Variants in XNDC1N observed in about 807,000 individuals in gnomAD.
The protein encoded by XNDC1N is XRCC1 N-terminal domain containing 1, N-terminal like.
chr11:71,918,897 A>T, the XNDC1N span: 1 of 702,790 alleles, frequency 1.4e-6, no homozygotes, highest in Non-Finnish European at 2.6e-6. Context: ...ACATCAATGT[A>T]GCCAGTGGGC....
At chr11:71,868,825 C>A in the XNDC1N span, among the ~76,000 whole-genome samples, 2 of 152,244 alleles carry the variant, frequency 1.3e-5, no homozygotes, top group African/African-American at 4.8e-5. Flanking sequence ...ATCAACCTCT[C>A]TAGTGAGGTT....
the XNDC1N span, among the ~76,000 whole-genome samples, chr11:71,867,143 G>A: frequency 7.3e-5 from 11 of 150,204 alleles, no homozygotes; most frequent in Non-Finnish European, 1.5e-4. Flanking sequence ...TAAAGCAACT[G>A]TTAAATAACA....
chr11:71,881,155 T>C, the XNDC1N span, among the ~76,000 whole-genome samples: 2 of 152,240 alleles, frequency 1.3e-5, no homozygotes, highest in African/African-American at 2.4e-5. Flanking sequence ...TCTCTCTCTT[T>C]AGCTCTAATG....
chr11:71,876,803 G>A, the XNDC1N span, among the ~76,000 whole-genome samples: 1 of 152,208 alleles, frequency 6.6e-6, no homozygotes, highest in Admixed American at 6.5e-5. Context: ...AATTCTCAGA[G>A]AGGTGAGAAA....
At chr11:71,881,550 G>T in the XNDC1N span, among the ~76,000 whole-genome samples, 4 of 151,662 alleles carry the variant, frequency 2.6e-5, no homozygotes, top group African/African-American at 7.3e-5. Flanking sequence ...ATGAATTCCT[G>T]GTGTCTCTTC....
the XNDC1N span, among the ~76,000 whole-genome samples, chr11:71,883,585 G>A: frequency 6.6e-6 from 1 of 152,062 alleles, no homozygotes; most frequent in Non-Finnish European, 1.5e-5. Flanking sequence ...CACACAAAAA[G>A]CAATTCAAAA....
At chr11:71,876,537 C>A in the XNDC1N span, among the ~76,000 whole-genome samples, 1 of 152,248 alleles carries the variant, frequency 6.6e-6, no homozygotes, top group Non-Finnish European at 1.5e-5. Context: ...CCAAGCCTGC[C>A]TCCTGGCTCC....
At chr11:71,927,581 A>G in the XNDC1N span, 1 of 152,146 alleles carries the variant, frequency 6.6e-6, no homozygotes, top group Non-Finnish European at 1.5e-5. Context: ...AATACTATAT[A>G]GTCATGGCTA....
At chr11:71,910,786 G>T in the XNDC1N span, among the ~76,000 whole-genome samples, 1 of 152,168 alleles carries the variant, frequency 6.6e-6, no homozygotes, top group African/African-American at 2.4e-5. Context: ...AGAATTCTTA[G>T]GAGCTGTGGG....
At chr11:71,923,350 C>T in the XNDC1N span, 16 of 702,892 alleles carry the variant, frequency 2.3e-5, no homozygotes, top group Admixed American at 2.6e-4. Flanking sequence ...TTCACAGGAG[C>T]CATGGTGGGC....
chr11:71,893,592 G>T, the XNDC1N span: 1,077 of 1,042,864 alleles, frequency 1.0e-3, 6 homozygotes, highest in African/African-American at 0.016. Flanking sequence ...TGGTGCTGAG[G>T]AACCTGCTCA....
the XNDC1N span, chr11:71,917,320 A>C: frequency 7.8e-6 from 5 of 644,540 alleles, no homozygotes; most frequent in South Asian, 8.8e-5. Context: ...GGCCACAAAA[A>C]TATATTAATC....
chr11:71,894,678 G>A, the XNDC1N span, among the ~76,000 whole-genome samples: 1 of 152,200 alleles, frequency 6.6e-6, no homozygotes, highest in Non-Finnish European at 1.5e-5. Flanking sequence ...CATCCAGGTG[G>A]AATCACAACC....
At chr11:71,890,319 G>T in the XNDC1N span, among the ~76,000 whole-genome samples, 13,856 of 152,028 alleles carry the variant, frequency 0.091, 1,128 homozygotes, top group African/African-American at 0.19. Context: ...TACGCCTGTC[G>T]CGAAATTCAA....
chr11:71,921,680 T>G, the XNDC1N span, among the ~76,000 whole-genome samples: 1 of 151,198 alleles, frequency 6.6e-6, no homozygotes, highest in Admixed American at 6.6e-5. Flanking sequence ...CTGAGGGGGG[T>G]GTGTGTGTGT....
the XNDC1N span, among the ~76,000 whole-genome samples, chr11:71,912,344 C>T: frequency 3.3e-5 from 5 of 151,822 alleles, no homozygotes; most frequent in Non-Finnish European, 5.9e-5. Flanking sequence ...CCTCCCCAAA[C>T]GTGGATGTTA....
At chr11:71,896,683 C>T in the XNDC1N span, among the ~76,000 whole-genome samples, 4 of 152,364 alleles carry the variant, frequency 2.6e-5, no homozygotes, top group East Asian at 5.8e-4. Context: ...CCTGCCTCCA[C>T]CTCCCGAGTA....
the XNDC1N span, chr11:71,865,825 C>T: frequency 2.2e-6 from 1 of 445,528 alleles, no homozygotes; most frequent in Non-Finnish European, 4.5e-6. Context: ...TGTTTAGCAG[C>T]CTCTCTTGCC....
chr11:71,888,731 G>A, the XNDC1N span, among the ~76,000 whole-genome samples: 1 of 152,168 alleles, frequency 6.6e-6, no homozygotes, highest in Admixed American at 6.5e-5. Context: ...GAACATTAAG[G>A]CCTCCCGTGC....
Sources: allele counts gnomAD v4.1 joint callset (sites outside exome capture counted in the v4.1 genomes callset), GRCh38; gene constraint gnomAD v4.1.1; transcripts MANE v1.5; gene names NCBI Gene and HGNC (gene_info 2026-07-23, HGNC 2026-07-21).